Variants in ZNF892 observed in about 807,000 individuals in gnomAD.
The protein encoded by ZNF892 is zinc finger protein 892, also known as zinc finger protein 570-like.
the ZNF892 span, among the ~76,000 whole-genome samples, chr2:95,244,029 T>TCCCAACC: frequency 6.6e-6 from 1 of 151,248 alleles, no homozygotes; most frequent in Middle Eastern, 3.2e-3. Flanking sequence ...ATCCTGTTGA[T>TCCCAACC]CTGTGACCTT....
the ZNF892 span, among the ~76,000 whole-genome samples, chr2:95,261,190 C>T: frequency 1.3e-5 from 2 of 152,176 alleles, no homozygotes; most frequent in South Asian, 2.1e-4. Flanking sequence ...TTCCCCACCA[C>T]GGACACCTGT....
At chr2:95,216,885 C>G in the ZNF892 span, among the ~76,000 whole-genome samples, 1,134 of 152,196 alleles carry the variant, frequency 7.5e-3, 45 homozygotes, top group East Asian at 0.12. Flanking sequence ...AATGTTAGCT[C>G]TTTGGTTGTA....
the ZNF892 span, among the ~76,000 whole-genome samples, chr2:95,231,269 C>A: frequency 2.0e-5 from 3 of 152,166 alleles, no homozygotes; most frequent in Non-Finnish European, 4.4e-5. Context: ...TTCAAAACCT[C>A]ATGTTGAGTG....
the ZNF892 span, among the ~76,000 whole-genome samples, chr2:95,218,769 G>C: frequency 6.6e-6 from 1 of 152,166 alleles, no homozygotes; most frequent in African/African-American, 2.4e-5. Context: ...TCAGTTCCTG[G>C]CTTGTAGATG....
chr2:95,255,971 G>A, the ZNF892 span, among the ~76,000 whole-genome samples: 1 of 152,136 alleles, frequency 6.6e-6, no homozygotes, highest in South Asian at 2.1e-4. Flanking sequence ...GCCTATGTGT[G>A]TCTCTGCACT....
chr2:95,233,544 G>A, the ZNF892 span, among the ~76,000 whole-genome samples: 1 of 150,876 alleles, frequency 6.6e-6, no homozygotes, highest in Non-Finnish European at 1.5e-5. Flanking sequence ...GTGGTGGTGG[G>A]CGCCTGTAGT....
the ZNF892 span, among the ~76,000 whole-genome samples, chr2:95,210,239 G>GTGTATATATATGTGTATATATT: frequency 6.7e-6 from 1 of 148,704 alleles, no homozygotes; most frequent in African/African-American, 2.5e-5. Context: ...GTGTATATAT[G>GTGTATATATATGTGTATATATT]TATATATATA....
chr2:95,255,260 T>G, the ZNF892 span, among the ~76,000 whole-genome samples: 5 of 151,982 alleles, frequency 3.3e-5, no homozygotes, highest in African/African-American at 7.2e-5. Flanking sequence ...ATGTGTCCCA[T>G]AGATTCTGGT....
At chr2:95,248,427 C>G in the ZNF892 span, among the ~76,000 whole-genome samples, 1 of 152,166 alleles carries the variant, frequency 6.6e-6, no homozygotes, top group Non-Finnish European at 1.5e-5. Context: ...CAATCATACT[C>G]CAAACCTCAG....
the ZNF892 span, chr2:95,212,068 G>A: frequency 2.0e-5 from 8 of 396,472 alleles, no homozygotes; most frequent in South Asian, 1.4e-4. Flanking sequence ...TTCCTACCTC[G>A]TGAACACTGT....
At chr2:95,234,349 C>G in the ZNF892 span, among the ~76,000 whole-genome samples, 7 of 152,222 alleles carry the variant, frequency 4.6e-5, no homozygotes, top group Non-Finnish European at 8.8e-5. Context: ...ATTTTCCTAT[C>G]CCTCTTTCAC....
the ZNF892 span, among the ~76,000 whole-genome samples, chr2:95,260,406 C>A: frequency 0.79 from 119,449 of 151,910 alleles, 47,253 homozygotes; most frequent in African/African-American, 0.84. Context: ...GAATGCCAGC[C>A]ATCCCCCTCA....
chr2:95,218,787 T>A, the ZNF892 span, among the ~76,000 whole-genome samples: 17 of 152,178 alleles, frequency 1.1e-4, no homozygotes, highest in Non-Finnish European at 2.5e-4. Flanking sequence ...ATGGTTGCCC[T>A]CTCACTGTGT....
the ZNF892 span, chr2:95,211,557 C>G: frequency 5.0e-6 from 2 of 397,892 alleles, no homozygotes; most frequent in Admixed American, 8.8e-5. Context: ...CAGTTTTATT[C>G]CTCTTCAGAG....
the ZNF892 span, among the ~76,000 whole-genome samples, chr2:95,213,365 T>G: frequency 6.6e-6 from 1 of 152,234 alleles, no homozygotes; most frequent in Non-Finnish European, 1.5e-5. Context: ...AACACTGTAT[T>G]GTATTAATTT....
At chr2:95,261,511 T>A in the ZNF892 span, among the ~76,000 whole-genome samples, 2 of 152,114 alleles carry the variant, frequency 1.3e-5, no homozygotes, top group Non-Finnish European at 2.9e-5. Context: ...ACCAGGTTGG[T>A]CTCGAACTCC....
the ZNF892 span, among the ~76,000 whole-genome samples, chr2:95,225,378 G>A: frequency 6.6e-6 from 1 of 152,154 alleles, no homozygotes; most frequent in East Asian, 1.9e-4. Context: ...GGAAGTTCGA[G>A]ATCAAGGGGC....
chr2:95,223,785 C>T, the ZNF892 span, among the ~76,000 whole-genome samples: 1 of 152,224 alleles, frequency 6.6e-6, no homozygotes, highest in East Asian at 1.9e-4. Flanking sequence ...GTATGACCAT[C>T]ACCACAATAA....
chr2:95,243,714 G>T, the ZNF892 span, among the ~76,000 whole-genome samples: 1 of 151,328 alleles, frequency 6.6e-6, no homozygotes, highest in Non-Finnish European at 1.5e-5. Flanking sequence ...GTCCGGGAGG[G>T]AGGTGCGGGG....
Sources: gnomAD v4.1 joint callset for allele counts (sites outside exome capture counted in the v4.1 genomes callset) on GRCh38, gnomAD v4.1.1 for gene constraint, MANE v1.5 for transcripts, NCBI Gene and HGNC (gene_info 2026-07-23, HGNC 2026-07-21) for gene names.